Variants in EXT1 observed in about 807,000 individuals in gnomAD.
EXT1 encodes exostosin glycosyltransferase 1, also known as exostosin-1.
EXT1 carries 20 observed loss-of-function variants against 82.5 expected under a neutral mutation model. The observed-to-expected ratio is 0.24, with a 90% confidence interval of 0.17 to 0.35. EXT1 has a LOEUF of 0.35. Ranked by LOEUF, EXT1 falls within the 10% of genes least tolerant of loss-of-function variation. The pLI, the probability that EXT1 is intolerant of heterozygous loss-of-function variation, is 1.00. For synonymous variants in EXT1, 348 were observed against 350.8 expected (o/e 0.99, Z 0.09); for missense variants, 757 against 936.5 (o/e 0.81, Z 2.50).
At chr8:118,023,335 A>C (rs1415131377) in intron 1 of EXT1, among the ~76,000 whole-genome samples, 3 of 152,246 alleles carry the variant, frequency 2.0e-5, no homozygotes, top group Admixed American at 1.3e-4. Context: ...GTTATTAAGA[A>C]AGACCATTCC....
intron 1 of EXT1, among the ~76,000 whole-genome samples, chr8:118,090,079 G>C (rs1817494929): frequency 6.6e-6 from 1 of 152,096 alleles, no homozygotes; most frequent in Non-Finnish European, 1.5e-5. Flanking sequence ...GGTGGTGAGA[G>C]GTGCCAGGTG....
rs1303763358 is a variant in EXT1 at position 117,929,154 on chromosome 8, A to G, written c.963-91953T>C. ...GAAGAGTGCTATATATACAGTAAGT[A>G]CTCAATAAGTATTTTCTGTCTATGG... On this transcript the variant is annotated intron_variant, in intron 1 of 10. Coordinates refer to ENST00000378204, the MANE Select transcript of EXT1 (RefSeq NM_000127.3). Among the ~76,000 whole-genome samples the G allele has an allele frequency of 5.3e-5, 8 of 152,354 alleles. No homozygotes were observed. In the East Asian group the frequency reaches 1.3e-3, roughly 26 times the overall value.
chr8:117,810,811 TGG>T, intron 8 of EXT1, among the ~76,000 whole-genome samples: 1 of 152,244 alleles, frequency 6.6e-6, no homozygotes, highest in South Asian at 2.1e-4. Context: ...ATCACCTGGT[TGG>T]GTTAGGTCAA....
chr8:118,107,139 T>C (rs185386411), intron 1 of EXT1, among the ~76,000 whole-genome samples: 98 of 152,314 alleles, frequency 6.4e-4, no homozygotes, highest in African/African-American at 2.1e-3. Flanking sequence ...CTTTTTTTAG[T>C]TGAAACATTT....
At chr8:117,914,180 G>T (rs1028955870) in intron 1 of EXT1, among the ~76,000 whole-genome samples, 5 of 151,470 alleles carry the variant, frequency 3.3e-5, no homozygotes, top group African/African-American at 1.2e-4. Flanking sequence ...ACCGGCTGGA[G>T]CCTCGGCAGA....
At chr8:118,010,713 C>G (rs929066219) in intron 1 of EXT1, among the ~76,000 whole-genome samples, 5 of 152,224 alleles carry the variant, frequency 3.3e-5, no homozygotes, top group African/African-American at 4.8e-5. Flanking sequence ...TCAATTCTCA[C>G]TGGCAACGGC....
At chr8:117,857,222 C>G (rs944770853) in intron 1 of EXT1, among the ~76,000 whole-genome samples, 2 of 152,132 alleles carry the variant, frequency 1.3e-5, no homozygotes, top group Non-Finnish European at 2.9e-5. Context: ...TGTTTTCATG[C>G]ATGCTAACAC....
At chr8:117,984,672 T>C (rs1314241500) in intron 1 of EXT1, among the ~76,000 whole-genome samples, 6 of 152,116 alleles carry the variant, frequency 3.9e-5, no homozygotes, top group Admixed American at 3.9e-4. Context: ...ATTTTTTCCT[T>C]GTGTAGACAG....
intron 1 of EXT1, among the ~76,000 whole-genome samples, chr8:117,992,838 G>A (rs1411095661): frequency 6.6e-6 from 1 of 152,172 alleles, no homozygotes; most frequent in Non-Finnish European, 1.5e-5. Flanking sequence ...CTGTATCTAA[G>A]TCTCTTCTTC....
At position 118,111,447 on chromosome 8, in the gene EXT1, G is replaced by A. The variant is rs1014987147; in HGVS notation, c.-401C>T. On this transcript the variant is annotated 5_prime_UTR_variant, in exon 1 of 11. Coordinates refer to ENST00000378204, the MANE Select transcript of EXT1 (RefSeq NM_000127.3). ...TTGCCTTGCCTCTCGGATTCCTCTC[G>A]GCAGCGTGGAAAATGAGCCCCGGGA... 1.9e-6 allele frequency: 1 copy of A among 532,186 alleles called. No individual in the cohort carries two copies. Among genetic ancestry groups the A allele is most frequent in the Non-Finnish European group, 3.3e-6 (1 of 304,438 alleles). 33.0% of individuals were successfully genotyped at this position (532,186 alleles called of 1,614,324 possible).
chr8:117,837,897 TGGTC>T (rs1812213778), intron 1 of EXT1, among the ~76,000 whole-genome samples: 1 of 151,656 alleles, frequency 6.6e-6, no homozygotes, highest in African/African-American at 2.4e-5. Flanking sequence ...TACAGGAAAC[TGGTC>T]TACAGAAGAG....
At chr8:118,086,960 ACT>A (rs1370499193) in intron 1 of EXT1, among the ~76,000 whole-genome samples, 2 of 152,106 alleles carry the variant, frequency 1.3e-5, no homozygotes, top group African/African-American at 4.8e-5. Context: ...CACCTACAAG[ACT>A]CTGCAACATC....
intron 1 of EXT1, among the ~76,000 whole-genome samples, chr8:118,106,593 AC>A (rs905459858): frequency 6.6e-6 from 1 of 152,082 alleles, no homozygotes; most frequent in African/African-American, 2.4e-5. Context: ...TTAAATATTC[AC>A]CCTTGCTTTC....
At chr8:117,920,436 G>T (rs918838288) in intron 1 of EXT1, among the ~76,000 whole-genome samples, 1 of 152,072 alleles carries the variant, frequency 6.6e-6, no homozygotes, top group African/African-American at 2.4e-5. Flanking sequence ...TCTGTAGTGT[G>T]ACTTCAACAG....
At chr8:117,999,972 A>G (rs17453637) in intron 1 of EXT1, among the ~76,000 whole-genome samples, 141 of 148,018 alleles carry the variant, frequency 9.5e-4, no homozygotes, top group African/African-American at 2.7e-3. Flanking sequence ...ATATATATAT[A>G]TGTGTGTGTG....
chr8:118,093,506 T>C (rs572831212), intron 1 of EXT1, among the ~76,000 whole-genome samples: 1 of 152,150 alleles, frequency 6.6e-6, no homozygotes, highest in Non-Finnish European at 1.5e-5. Flanking sequence ...CTGTAATGTA[T>C]AAGAAGAATT....
intron 1 of EXT1, among the ~76,000 whole-genome samples, chr8:117,889,876 C>T (rs909784423): frequency 6.6e-6 from 1 of 152,094 alleles, no homozygotes; most frequent in Non-Finnish European, 1.5e-5. Flanking sequence ...AATAACCATG[C>T]GATTTAATTA....
In EXT1 at chr8:117,973,983, A is replaced by AAGGAAGGT. The variant is rs1815016232; in HGVS notation, c.962+136101_962+136102insACCTTCCT. 6.0e-5 allele frequency among the ~76,000 whole-genome samples: 9 copies of AAGGAAGGT among 151,158 alleles called. No individual in the cohort carries two copies. The South Asian group carries it at 1.9e-3, about 32-fold the overall frequency. ...GAAGGAAGGAAGGAAGGAAGGAAGG[A>AAGGAAGGT]AGGAAATAAATGTCTTTTGGACCAG... On this transcript the variant is annotated intron_variant, in intron 1 of 10. Coordinates refer to ENST00000378204, the MANE Select transcript of EXT1 (RefSeq NM_000127.3).
intron 1 of EXT1, among the ~76,000 whole-genome samples, chr8:118,040,128 G>C (rs1241036090): frequency 6.6e-6 from 1 of 151,904 alleles, no homozygotes; most frequent in Non-Finnish European, 1.5e-5. Flanking sequence ...ACCTGATTTT[G>C]GTGTATTTTT....
Sources: allele counts gnomAD v4.1 joint callset (sites outside exome capture counted in the v4.1 genomes callset), GRCh38; gene constraint gnomAD v4.1.1; transcripts MANE v1.5; gene names NCBI Gene and HGNC (gene_info 2026-07-23, HGNC 2026-07-21).